Variants in SMYD3 observed in about 807,000 individuals in gnomAD.
SMYD3 encodes the protein SET and MYND domain containing 3.
A neutral mutation model predicts 57.7 loss-of-function variants in SMYD3; 36 were observed. That is an observed-to-expected ratio of 0.62 (90% CI 0.48 to 0.82). The LOEUF is 0.82. SMYD3 is among the 40% of genes least tolerant of loss of function. SMYD3 has a pLI of 0.00. For synonymous variants in SMYD3, 211 were observed against 195.0 expected, an observed-to-expected ratio of 1.08 and a Z score of -0.68; for missense variants, 515 against 538.8, an observed-to-expected ratio of 0.96 and a Z score of 0.44.
chr1:245,968,366 C>A (rs1186375909), intron 5 of SMYD3, among the ~76,000 whole-genome samples: 1 of 152,166 alleles, frequency 6.6e-6, no homozygotes, highest in African/African-American at 2.4e-5. Flanking sequence ...GTGCCTTTGC[C>A]TAGGCTGTGT....
At chr1:246,425,026 G>T (rs887152710) in intron 1 of SMYD3, among the ~76,000 whole-genome samples, 1 of 152,056 alleles carries the variant, frequency 6.6e-6, no homozygotes, top group African/African-American at 2.4e-5. Flanking sequence ...AAATAATATT[G>T]CTTACTTTGT....
At chr1:246,496,039 G>A (rs1034185933) in intron 1 of SMYD3, among the ~76,000 whole-genome samples, 27 of 151,590 alleles carry the variant, frequency 1.8e-4, no homozygotes, top group African/African-American at 5.3e-4. Flanking sequence ...TTTTGTTGTT[G>A]TTGTTGTTAT....
At chr1:246,432,180 T>G (rs992032646) in intron 1 of SMYD3, among the ~76,000 whole-genome samples, 3 of 152,226 alleles carry the variant, frequency 2.0e-5, no homozygotes, top group African/African-American at 7.2e-5. Flanking sequence ...CACTGCATAA[T>G]AGCAGAACTA....
intron 5 of SMYD3, among the ~76,000 whole-genome samples, chr1:246,060,612 T>C (rs2060235486): frequency 6.6e-6 from 1 of 152,102 alleles, no homozygotes; most frequent in Non-Finnish European, 1.5e-5. Context: ...CATTACTAAA[T>C]TGGATCATAT....
At chr1:245,750,411 T>C (rs2045288639) in intron 11 of SMYD3, among the ~76,000 whole-genome samples, 1 of 152,158 alleles carries the variant, frequency 6.6e-6, no homozygotes, top group African/African-American at 2.4e-5. Context: ...TTAGCCAAGC[T>C]CATCTTTCAA....
intron 5 of SMYD3, among the ~76,000 whole-genome samples, chr1:246,078,424 T>A (rs1005066373): frequency 6.6e-6 from 1 of 152,208 alleles, no homozygotes; most frequent in African/African-American, 2.4e-5. Flanking sequence ...TCTTCTGTTT[T>A]AATCTTCTAT....
chr1:246,468,474 C>T (rs1233718052), intron 1 of SMYD3, among the ~76,000 whole-genome samples: 1 of 151,890 alleles, frequency 6.6e-6, no homozygotes, highest in Non-Finnish European at 1.5e-5. Context: ...AACCCCATCT[C>T]CACAAAATAT....
chr1:246,172,790 AACACTGT>A (rs1451892388), intron 5 of SMYD3, among the ~76,000 whole-genome samples: 7 of 146,064 alleles, frequency 4.8e-5, no homozygotes, highest in Non-Finnish European at 1.0e-4. Flanking sequence ...AGACTTTATC[AACACTGT>A]ACACTTAGGC....
chr1:245,771,711 G>C (rs2046347767), intron 10 of SMYD3, among the ~76,000 whole-genome samples: 1 of 152,206 alleles, frequency 6.6e-6, no homozygotes, highest in South Asian at 2.1e-4. Flanking sequence ...GAGGCACATA[G>C]AGTCAGTCTT....
chr1:246,002,369 A>G (rs111732050), intron 5 of SMYD3, among the ~76,000 whole-genome samples: 10 of 52,138 alleles, frequency 1.9e-4, no homozygotes, highest in East Asian at 9.0e-4. Context: ...TATTTTTAGT[A>G]GAGACGGGGT....
intron 10 of SMYD3, among the ~76,000 whole-genome samples, chr1:245,767,362 C>T (rs2046160047): frequency 6.6e-6 from 1 of 152,144 alleles, no homozygotes; most frequent in Non-Finnish European, 1.5e-5. Flanking sequence ...AAGCAATCTG[C>T]AGAAGTCCAA....
intron 5 of SMYD3, among the ~76,000 whole-genome samples, chr1:246,168,119 T>C (rs925672787): frequency 2.0e-5 from 3 of 152,176 alleles, no homozygotes; most frequent in African/African-American, 4.8e-5. Context: ...ATTATCTCTC[T>C]GAGCCAAAAT....
intron 10 of SMYD3, among the ~76,000 whole-genome samples, chr1:245,811,966 C>T (rs2148291704): frequency 6.6e-6 from 1 of 152,320 alleles, no homozygotes. Flanking sequence ...CTACTGCATA[C>T]AACACACTAG....
At position 246,309,731 on chromosome 1, in the gene SMYD3, T is replaced by C. The variant is rs115545272; in HGVS notation, c.531+17470A>G. ...CATTGCCTTCACGGCCAAGAGTCTT[T>C]ACTAGCCAATTCCATAGCACTCTTC... On this transcript the variant is annotated intron_variant, in intron 5 of 11. Transcript: ENST00000490107. Among the ~76,000 whole-genome samples, 1,037 of 152,314 alleles carry C rather than the reference T, an allele frequency of 6.8e-3. 13 individuals carry two copies. Among genetic ancestry groups the C allele is most frequent in the African/African-American group, 0.023 (974 of 41,570 alleles).
At chr1:246,375,635 G>C (rs992094156) in intron 1 of SMYD3, among the ~76,000 whole-genome samples, 3 of 152,172 alleles carry the variant, frequency 2.0e-5, no homozygotes, top group Non-Finnish European at 4.4e-5. Flanking sequence ...AAATAGAGCA[G>C]CACGTGTTAA....
chr1:246,235,364 G>A (rs1460754015), intron 5 of SMYD3, among the ~76,000 whole-genome samples: 3 of 152,192 alleles, frequency 2.0e-5, no homozygotes, highest in Admixed American at 2.0e-4. Flanking sequence ...AGATAATTAC[G>A]TCCTTCCTGA....
intron 5 of SMYD3, among the ~76,000 whole-genome samples, chr1:246,103,008 T>A (rs2061046936): frequency 6.6e-6 from 1 of 152,218 alleles, no homozygotes; most frequent in Non-Finnish European, 1.5e-5. Flanking sequence ...ACTGCTGTAT[T>A]TAAGTGCCTG....
chr1:245,875,503 TG>T (rs1195816565), intron 8 of SMYD3, among the ~76,000 whole-genome samples: 1 of 152,244 alleles, frequency 6.6e-6, no homozygotes, highest in African/African-American at 2.4e-5. Flanking sequence ...ACCTGGCATG[TG>T]GGCAACATCA....
intron 5 of SMYD3, among the ~76,000 whole-genome samples, chr1:246,305,217 A>G (rs1327110504): frequency 6.6e-6 from 1 of 152,240 alleles, no homozygotes; most frequent in Non-Finnish European, 1.5e-5. Flanking sequence ...ATTCAGTGAA[A>G]CAATGATTAA....
Sources: allele counts gnomAD v4.1 joint callset (sites outside exome capture counted in the v4.1 genomes callset), GRCh38; gene constraint gnomAD v4.1.1; transcripts MANE v1.5; gene names NCBI Gene and HGNC (gene_info 2026-07-23, HGNC 2026-07-21).